MPPED2: variants seen among roughly 807,000 people sequenced by gnomAD.
MPPED2 encodes the protein metallophosphoesterase MPPED2.
A neutral mutation model predicts 33.0 loss-of-function variants in MPPED2; 5 were observed. The ratio of observed to expected loss-of-function variants is 0.15; its 90% CI spans 0.08 to 0.32. The LOEUF is 0.32. MPPED2 is among the 10% of genes least tolerant of loss of function. MPPED2 has a pLI of 1.00. For synonymous variants in MPPED2, 136 were observed against 141.9 expected (o/e 0.96, Z 0.29); for missense variants, 275 against 372.1 (o/e 0.74, Z 2.15).
chr11:30,413,666 T>C (rs1366299081), intron 6 of MPPED2, among the ~76,000 whole-genome samples: 2 of 152,230 alleles, frequency 1.3e-5, no homozygotes, highest in Admixed American at 6.5e-5. Context: ...TGAAATAGTT[T>C]TCTGAGGTTA....
chr11:30,435,749 A>G (rs1421449892), intron 4 of MPPED2, among the ~76,000 whole-genome samples: 1 of 151,982 alleles, frequency 6.6e-6, no homozygotes, highest in Non-Finnish European at 1.5e-5. Context: ...TCTACCAACC[A>G]CTGTCAACTC....
chr11:30,407,771 T>TTGCTTGAGCCCAGC (rs1483903914), downstream of MPPED2, among the ~76,000 whole-genome samples: 1 of 152,036 alleles, frequency 6.6e-6, no homozygotes, highest in African/African-American at 2.4e-5. Context: ...CTCAGGAGGC[T>TTGCTTGAGCCCAGC]AAGGCAGGAG....
At chr11:30,402,104 C>T (rs1017068387) in intron 6 of MPPED2, among the ~76,000 whole-genome samples, 1 of 152,068 alleles carries the variant, frequency 6.6e-6, no homozygotes, top group Non-Finnish European at 1.5e-5. Flanking sequence ...TACTGAATTG[C>T]TTTTAACATT....
At chr11:30,485,416 A>T (rs1397086596) in intron 4 of MPPED2, among the ~76,000 whole-genome samples, 2 of 34,646 alleles carry the variant, frequency 5.8e-5, no homozygotes, top group Non-Finnish European at 2.6e-4. Flanking sequence ...TAACATGTGT[A>T]ACAAGGTAAA....
At chr11:30,485,789 C>A (rs1231034772) in intron 4 of MPPED2, among the ~76,000 whole-genome samples, 1 of 152,138 alleles carries the variant, frequency 6.6e-6, no homozygotes, top group Non-Finnish European at 1.5e-5. Context: ...CTCTACAAGC[C>A]CGACCAAGCC....
At chr11:30,402,163 G>C (rs572417561) in intron 6 of MPPED2, among the ~76,000 whole-genome samples, 1 of 152,224 alleles carries the variant, frequency 6.6e-6, no homozygotes, top group Admixed American at 6.5e-5. Context: ...CTTTGAGAAT[G>C]CTGAGCTTTA....
In MPPED2 at chr11:30,586,311, G is replaced by C. The variant is rs2134988937; in HGVS notation, c.-391C>G. 6.5e-6 allele frequency: 1 copy of C among 154,164 alleles called. No individual in the cohort carries two copies. Among genetic ancestry groups the C allele is most frequent in the African/African-American group, 2.4e-5 (1 of 41,586 alleles). The allele number at this position is 154,164 out of a possible 1,614,324, so 9.5% of individuals were successfully genotyped here. A position where few individuals can be genotyped will look rare whatever the true frequency, so the allele number is the denominator to read the frequency against. ...GAGCGAGCGAGGGGGCGAGGAGAGG[G>C]AGCGAGGGCGCGGCGAGCCGGAGGG... On this transcript the variant is annotated 5_prime_UTR_variant, in exon 1 of 7. Transcript: ENST00000358117. This position sits in a 1 kb window ranked among gnomAD's most constrained non-coding sequence, Gnocchi z 4.8.
intron 3 of MPPED2, among the ~76,000 whole-genome samples, chr11:30,511,897 G>A (rs909874299): frequency 2.0e-5 from 3 of 152,166 alleles, no homozygotes; most frequent in African/African-American, 7.2e-5. Flanking sequence ...GCAAGATTGG[G>A]CTAAATGTGT....
At chr11:30,564,553 C>T (rs1956362622) in intron 2 of MPPED2, among the ~76,000 whole-genome samples, 1 of 152,084 alleles carries the variant, frequency 6.6e-6, no homozygotes, top group Non-Finnish European at 1.5e-5. Context: ...CTCAAAGTTG[C>T]ACAGAGAGTA....
chr11:30,552,358 G>A (rs1955757641), intron 2 of MPPED2, among the ~76,000 whole-genome samples: 2 of 152,112 alleles, frequency 1.3e-5, no homozygotes, highest in Non-Finnish European at 2.9e-5. Context: ...TTTTACCCTA[G>A]TTATGTAATA....
intron 5 of MPPED2, 84 bp downstream of exon 5, chr11:30,417,434 A>G (rs1948420776): frequency 3.1e-6 from 2 of 637,218 alleles, no homozygotes; most frequent in South Asian, 2.6e-5. Flanking sequence ...TTTGGAGGAA[A>G]ATGATTATGT....
intron 4 of MPPED2, among the ~76,000 whole-genome samples, chr11:30,424,571 A>G (rs1423027421): frequency 6.6e-6 from 1 of 152,094 alleles, no homozygotes; most frequent in African/African-American, 2.4e-5. Context: ...CCCTCCCTTG[A>G]CTGCAAAGCT....
chr11:30,561,593 C>A (rs562987426), intron 2 of MPPED2, among the ~76,000 whole-genome samples: 2 of 152,260 alleles, frequency 1.3e-5, no homozygotes, highest in East Asian at 3.9e-4. Context: ...CTGGCTGCAG[C>A]CTTACTGATA....
upstream of MPPED2, chr11:30,586,950 GCTCA>G (rs1435203767): frequency 4.0e-4 from 60 of 148,366 alleles, no homozygotes; most frequent in Non-Finnish European, 7.2e-4. This position sits in a 1 kb window ranked among gnomAD's most constrained non-coding sequence, Gnocchi z 4.8. Context: ...ACACACACAC[GCTCA>G]CTCACTCACT....
downstream of MPPED2, among the ~76,000 whole-genome samples, chr11:30,408,726 T>G (rs1590166602): frequency 6.6e-6 from 1 of 152,304 alleles, no homozygotes; most frequent in Non-Finnish European, 1.5e-5. Flanking sequence ...TAGGGAAAGT[T>G]ATTTAATTTT....
At chr11:30,416,280 A>G (rs1328089465) in intron 5 of MPPED2, among the ~76,000 whole-genome samples, 1 of 152,242 alleles carries the variant, frequency 6.6e-6, no homozygotes, top group Admixed American at 6.5e-5. Context: ...TGCTTCCCCC[A>G]TCACTAAAAT....
At chr11:30,537,324 C>T (rs923411540) in intron 2 of MPPED2, among the ~76,000 whole-genome samples, 1 of 152,140 alleles carries the variant, frequency 6.6e-6, no homozygotes, top group Non-Finnish European at 1.5e-5. Context: ...AGCAAATATG[C>T]AATGCAGAGA....
intron 2 of MPPED2, among the ~76,000 whole-genome samples, chr11:30,571,544 T>C (rs1956692450): frequency 6.6e-6 from 1 of 152,270 alleles, no homozygotes; most frequent in South Asian, 2.1e-4. Flanking sequence ...AGCAGTTTTG[T>C]CCATACTGAT....
chr11:30,496,204 G>A (rs1952243248), intron 3 of MPPED2, among the ~76,000 whole-genome samples: 1 of 152,140 alleles, frequency 6.6e-6, no homozygotes, highest in South Asian at 2.1e-4. Flanking sequence ...CTCAGTGTGT[G>A]CTTTTTATGC....
Sources: gnomAD v4.1 joint callset for allele counts (sites outside exome capture counted in the v4.1 genomes callset) on GRCh38, gnomAD v4.1.1 for gene constraint, Gnocchi (gnomAD v3.1) non-coding constraint, MANE v1.5 for transcripts, NCBI Gene and HGNC (gene_info 2026-07-23, HGNC 2026-07-21) for gene names.